The following ANO4 variants were observed in gnomAD, a reference collection of about 807,000 sequenced individuals.
The protein encoded by ANO4 is anoctamin 4.
In ANO4, 69 loss-of-function variants were observed where a neutral mutation model predicts 141.9. The ratio of observed to expected loss-of-function variants is 0.49; its 90% CI spans 0.40 to 0.59. The LOEUF is 0.59. ANO4 is among the 20% of genes least tolerant of loss of function. The pLI, the probability that ANO4 is intolerant of heterozygous loss-of-function variation, is 0.00. For missense variants in ANO4, 894 were observed against 1,162.2 expected, an observed-to-expected ratio of 0.77 and a Z score of 3.36; for synonymous variants, 350 against 394.3, an observed-to-expected ratio of 0.89 and a Z score of 1.33.
chr12:100,973,798 T>C (rs898551353), intron 6 of ANO4, among the ~76,000 whole-genome samples: 2 of 152,210 alleles, frequency 1.3e-5, no homozygotes, highest in Non-Finnish European at 2.9e-5. Context: ...GTATCCACCA[T>C]TGCAGGATCA....
chr12:101,068,497 T>C, intron 14 of ANO4: 1 of 1,036,076 alleles, frequency 9.7e-7, no homozygotes, highest in Non-Finnish European at 1.5e-6. Context: ...TCAGTAAAGA[T>C]CGCAACTTTC....
chr12:100,777,537 G>A (rs1040748328), intron 3 of ANO4, among the ~76,000 whole-genome samples: 2 of 151,932 alleles, frequency 1.3e-5, no homozygotes, highest in African/African-American at 2.4e-5. Flanking sequence ...GACACAGCCC[G>A]AAGATTCAGT....
chr12:100,970,615 A>G (rs1344992283), intron 5 of ANO4, among the ~76,000 whole-genome samples: 1 of 150,900 alleles, frequency 6.6e-6, no homozygotes, highest in Non-Finnish European at 1.5e-5. Flanking sequence ...AGAACACTCA[A>G]TATTATCTGA....
intron 3 of ANO4, among the ~76,000 whole-genome samples, chr12:100,743,006 C>T (rs185851950): frequency 6.6e-6 from 1 of 152,214 alleles, no homozygotes; most frequent in Admixed American, 6.5e-5. Context: ...TCCATCCATC[C>T]ACTCACCCAT....
At chr12:100,874,545 A>G (rs1233998631) in intron 1 of ANO4, among the ~76,000 whole-genome samples, 1 of 151,974 alleles carries the variant, frequency 6.6e-6, no homozygotes, top group Non-Finnish European at 1.5e-5. Flanking sequence ...TTTGAGACAG[A>G]GTCTCACTCT....
chr12:101,044,525 G>C (rs1444827261), intron 13 of ANO4, among the ~76,000 whole-genome samples: 1 of 152,194 alleles, frequency 6.6e-6, no homozygotes, highest in Non-Finnish European at 1.5e-5. Context: ...GGCTTGCCCA[G>C]ATTCAGATAT....
intron 2 of ANO4, among the ~76,000 whole-genome samples, chr12:100,908,253 G>T (rs905837484): frequency 3.9e-5 from 6 of 152,216 alleles, no homozygotes; most frequent in Admixed American, 3.3e-4. Flanking sequence ...GGAGGCTGAG[G>T]CAGGAGAATC....
chr12:101,126,789 C>T, intron 26 of ANO4, 90 bp from the exon 27 acceptor site: 1 of 1,227,480 alleles, frequency 8.1e-7, no homozygotes, highest in African/African-American at 1.5e-5. Flanking sequence ...CCACATACCC[C>T]AGAGGGTCCA....
At chr12:101,018,443 A>G (rs1350540438) in intron 8 of ANO4, among the ~76,000 whole-genome samples, 1 of 152,180 alleles carries the variant, frequency 6.6e-6, no homozygotes, top group Non-Finnish European at 1.5e-5. Context: ...ACTTCGGTAA[A>G]TCAGTTCTCA....
intron 3 of ANO4, among the ~76,000 whole-genome samples, chr12:100,764,357 C>T (rs1593290533): frequency 6.6e-6 from 1 of 152,190 alleles, no homozygotes; most frequent in East Asian, 1.9e-4. Flanking sequence ...TTACTTTGCT[C>T]TGCCGTCAGG....
chr12:100,805,585 A>G (rs567587418), intron 1 of ANO4, among the ~76,000 whole-genome samples: 2 of 152,318 alleles, frequency 1.3e-5, no homozygotes, highest in South Asian at 2.1e-4. Flanking sequence ...ATCCATGAGC[A>G]TGAGCATTGA....
chr12:100,914,868 G>A (rs1322946192), intron 2 of ANO4, among the ~76,000 whole-genome samples: 2 of 152,140 alleles, frequency 1.3e-5, no homozygotes, highest in African/African-American at 4.8e-5. Context: ...AGGCTGGAGT[G>A]CAGTGGCATG....
intron 2 of ANO4, among the ~76,000 whole-genome samples, chr12:100,916,044 G>A (rs1438767915): frequency 4.1e-5 from 3 of 73,538 alleles, no homozygotes; most frequent in Non-Finnish European, 7.3e-5. Flanking sequence ...GAAAGTGGTA[G>A]TAATGTAACT....
intron 1 of ANO4, among the ~76,000 whole-genome samples, chr12:100,900,767 A>G (rs2040559162): frequency 6.6e-6 from 1 of 152,212 alleles, no homozygotes; most frequent in South Asian, 2.1e-4. Context: ...GGTGTTTCTT[A>G]GCAAGAATTC....
intron 9 of ANO4, among the ~76,000 whole-genome samples, chr12:101,032,147 A>C (rs2046999248): frequency 6.6e-6 from 1 of 152,210 alleles, no homozygotes; most frequent in Non-Finnish European, 1.5e-5. Context: ...CAAAAAGAAC[A>C]AGCTGGAGGC....
intron 14 of ANO4, among the ~76,000 whole-genome samples, chr12:101,049,835 C>T (rs1423210781): frequency 6.6e-6 from 1 of 152,100 alleles, no homozygotes; most frequent in Non-Finnish European, 1.5e-5. Flanking sequence ...TCCCTCTCAG[C>T]CAGTAAGCAT....
At chr12:100,789,573 C>A (rs748225014) in intron 3 of ANO4, among the ~76,000 whole-genome samples, 1 of 152,124 alleles carries the variant, frequency 6.6e-6, no homozygotes, top group Non-Finnish European at 1.5e-5. Context: ...CAAAGATAAG[C>A]GGGACAAGTT....
chr12:101,122,350 T>C lies in ANO4; in HGVS notation c.2676+1725T>C, dbSNP rs542985424. Among the ~76,000 whole-genome samples the C allele has an allele frequency of 3.3e-5, 5 of 152,362 alleles. No homozygotes were observed. The East Asian group carries it at 9.6e-4, about 29-fold the overall frequency. On this transcript the variant is annotated intron_variant, in intron 26 of 27. Coordinates refer to ENST00000392977, the MANE Select transcript of ANO4 (RefSeq NM_001286615.2). ...CCCATTCTGTACGGTGTCTGTTTACTTCTTTGACAGTTTCTCTTGCTGTGC... is the reference window on the plus strand; with the variant it reads ...CCCATTCTGTACGGTGTCTGTTTACCTCTTTGACAGTTTCTCTTGCTGTGC...
chr12:100,798,504 G>A (rs1440963107), intron 1 of ANO4, among the ~76,000 whole-genome samples: 1 of 152,136 alleles, frequency 6.6e-6, no homozygotes, highest in Non-Finnish European at 1.5e-5. Context: ...CATGAGCTGT[G>A]TTGAATACTG....
Sources: allele counts gnomAD v4.1 joint callset (sites outside exome capture counted in the v4.1 genomes callset), GRCh38; gene constraint gnomAD v4.1.1; transcripts MANE v1.5; gene names NCBI Gene and HGNC (gene_info 2026-07-23, HGNC 2026-07-21).